Variants in KCTD16 observed in about 807,000 individuals in gnomAD.
KCTD16 encodes the protein BTB/POZ domain-containing protein KCTD16.
Under a neutral mutation model 33.2 loss-of-function variants are expected in KCTD16, and 13 were observed. The ratio of observed to expected loss-of-function variants is 0.39; its 90% confidence interval spans 0.25 to 0.62. KCTD16 has a LOEUF of 0.62. Ranked by LOEUF, KCTD16 falls within the 20% of genes least tolerant of loss-of-function variation. The pLI, the probability that KCTD16 is intolerant of heterozygous loss-of-function variation, is 0.50. For missense variants in KCTD16, 441 were observed against 525.1 expected, an observed-to-expected ratio of 0.84 and a Z score of 1.57; for synonymous variants, 197 against 195.3, an observed-to-expected ratio of 1.01 and a Z score of -0.07.
chr5:144,233,273 G>A (rs572610772), intron 3 of KCTD16, among the ~76,000 whole-genome samples: 21 of 152,246 alleles, frequency 1.4e-4, no homozygotes, highest in African/African-American at 5.1e-4. Flanking sequence ...CACCAGCTGA[G>A]ATGAAGGCTG....
chr5:144,374,263 C>T (rs1242827472), intron 3 of KCTD16, among the ~76,000 whole-genome samples: 3 of 152,152 alleles, frequency 2.0e-5, no homozygotes, highest in East Asian at 3.9e-4. Flanking sequence ...TTAGAAGCAC[C>T]ATCTAAACTG....
rs187719285 is a variant in KCTD16, at chr5:144,389,705, C to T, written c.833-83955C>T. ...AAATTGTCTTCCACGAAACCAGTCC[C>T]CTGTGCCAAAACAGTTGAGGGACAG... On this transcript the variant is annotated intron_variant, in intron 3 of 3. Coordinates refer to ENST00000512467, the MANE Select transcript of KCTD16 (RefSeq NM_020768.4). Among the ~76,000 whole-genome samples the T allele has an allele frequency of 1.2e-3, 187 of 152,242 alleles. 1 individual carries two copies. Among genetic ancestry groups the T allele is most frequent in the African/African-American group, 4.4e-3 (181 of 41,542 alleles).
intron 3 of KCTD16, among the ~76,000 whole-genome samples, chr5:144,403,429 G>A (rs913825481): frequency 4.6e-5 from 7 of 151,958 alleles, no homozygotes; most frequent in Admixed American, 2.0e-4. Flanking sequence ...AGACAGAAGC[G>A]ACACACAGAG....
chr5:144,374,339 G>A (rs561408206), intron 3 of KCTD16, among the ~76,000 whole-genome samples: 21 of 150,458 alleles, frequency 1.4e-4, no homozygotes, highest in South Asian at 8.3e-4. Flanking sequence ...ATTCTTCTAG[G>A]TACTCTGGGA....
intron 3 of KCTD16, among the ~76,000 whole-genome samples, chr5:144,253,954 C>T (rs970662776): frequency 1.3e-5 from 2 of 151,996 alleles, no homozygotes; most frequent in African/African-American, 4.8e-5. Context: ...TTGTTGTCAG[C>T]TATATTTTTA....
intron 3 of KCTD16, among the ~76,000 whole-genome samples, chr5:144,459,015 G>A (rs1228499859): frequency 2.0e-5 from 3 of 152,188 alleles, no homozygotes; most frequent in African/African-American, 7.2e-5. Context: ...AGTTTGCAAT[G>A]TCAATCAAGT....
chr5:144,397,258 C>CT (rs1414732304), intron 3 of KCTD16, among the ~76,000 whole-genome samples: 1 of 151,746 alleles, frequency 6.6e-6, no homozygotes, highest in Admixed American at 6.6e-5. Flanking sequence ...TGAACTCATC[C>CT]TTTTTTATGG....
In KCTD16 at chr5:144,483,870, T is replaced by C. The variant is rs566945193; in HGVS notation, c.*9756T>C. ...ATTAAGCACGGTCACTGAATCCTTT[T>C]TTCACCAGCCTTCTAAAGATGTTGT... On this transcript the variant is annotated 3_prime_UTR_variant, in exon 4 of 4. Transcript: ENST00000512467. 8 of 152,036 alleles carry C rather than the reference T, an allele frequency of 5.3e-5. No individual in the cohort carries two copies. In the East Asian group the frequency reaches 1.6e-3, roughly 30 times the overall value. 9.4% of individuals were successfully genotyped at this position (152,036 alleles called of 1,614,324 possible).
chr5:144,328,802 T>A (rs912162090), intron 3 of KCTD16, among the ~76,000 whole-genome samples: 1 of 151,938 alleles, frequency 6.6e-6, no homozygotes, highest in Admixed American at 6.6e-5. Context: ...TTCTCCACTG[T>A]GAAAAGCACT....
chr5:144,392,499 A>G (rs1403731727), intron 3 of KCTD16, among the ~76,000 whole-genome samples: 4 of 152,206 alleles, frequency 2.6e-5, no homozygotes, highest in Non-Finnish European at 4.4e-5. Context: ...TGCTCTCTGG[A>G]TGCTGTGTGA....
At chr5:144,266,244 C>A (rs1251421201) in intron 3 of KCTD16, among the ~76,000 whole-genome samples, 2 of 152,040 alleles carry the variant, frequency 1.3e-5, no homozygotes, top group Non-Finnish European at 2.9e-5. Context: ...TTTGTCACTG[C>A]CTAACTTTTC....
intron 2 of KCTD16, among the ~76,000 whole-genome samples, chr5:144,198,524 C>T (rs942911523): frequency 9.2e-5 from 14 of 152,170 alleles, no homozygotes; most frequent in Non-Finnish European, 1.8e-4. Context: ...TCCTGCTGTT[C>T]CCCATCTGCA....
intron 3 of KCTD16, among the ~76,000 whole-genome samples, chr5:144,316,499 GTTTT>G (rs1245331006): frequency 2.2e-5 from 3 of 135,666 alleles, no homozygotes; most frequent in Non-Finnish European, 4.8e-5. Flanking sequence ...TCCCATTTTT[GTTTT>G]TTGTCTTTTT....
chr5:144,259,394 A>C lies in KCTD16; in HGVS notation c.832+51848A>C, dbSNP rs144222754. Among the ~76,000 whole-genome samples the C allele has an allele frequency of 1.9e-3, 294 of 152,070 alleles. 1 individual carries two copies. Among genetic ancestry groups the C allele is most frequent in the African/African-American group, 6.9e-3 (286 of 41,482 alleles). On this transcript the variant is annotated intron_variant, in intron 3 of 3. Coordinates refer to ENST00000512467, the MANE Select transcript of KCTD16 (RefSeq NM_020768.4). ...AAATGTTCTTCTAAACACACAGTACATTTTATTTCCTTTTCAATAGGCCTT... is the reference window on the plus strand; with the variant it reads ...AAATGTTCTTCTAAACACACAGTACCTTTTATTTCCTTTTCAATAGGCCTT...
chr5:144,351,909 A>G (rs1751446499), intron 3 of KCTD16, among the ~76,000 whole-genome samples: 2 of 152,290 alleles, frequency 1.3e-5, no homozygotes, highest in Admixed American at 6.5e-5. Context: ...ATATTGGTCA[A>G]AGGTCACAAA....
chr5:144,408,090 C>T (rs1473141741), intron 3 of KCTD16, among the ~76,000 whole-genome samples: 1 of 152,156 alleles, frequency 6.6e-6, no homozygotes, highest in Non-Finnish European at 1.5e-5. Flanking sequence ...AATGGTATTT[C>T]TGGTCCTAGA....
intron 3 of KCTD16, among the ~76,000 whole-genome samples, chr5:144,374,442 T>C (rs1752040790): frequency 6.6e-6 from 1 of 152,174 alleles, no homozygotes; most frequent in Non-Finnish European, 1.5e-5. Flanking sequence ...AAGGTTTATA[T>C]TTGAAATGAC....
chr5:144,322,045 A>G (rs572062995), intron 3 of KCTD16, among the ~76,000 whole-genome samples: 2 of 152,218 alleles, frequency 1.3e-5, no homozygotes, highest in Non-Finnish European at 2.9e-5. Context: ...GAGAAAGTGT[A>G]GAAGCAATAT....
intron 3 of KCTD16, among the ~76,000 whole-genome samples, chr5:144,328,492 C>T (rs1031503166): frequency 1.3e-5 from 2 of 151,884 alleles, no homozygotes; most frequent in African/African-American, 2.4e-5. Flanking sequence ...GACCAGGAAG[C>T]GAATATCCTC....
Sources: allele counts gnomAD v4.1 joint callset (sites outside exome capture counted in the v4.1 genomes callset), GRCh38; gene constraint gnomAD v4.1.1; transcripts MANE v1.5; gene names NCBI Gene and HGNC (gene_info 2026-07-23, HGNC 2026-07-21).